The following TIMP2 variants were observed in gnomAD, a reference collection of about 807,000 sequenced individuals.
The protein encoded by TIMP2 is metalloproteinase inhibitor 2.
Under a neutral mutation model 24.3 loss-of-function variants are expected in TIMP2, and 5 were observed. The ratio of observed to expected loss-of-function variants is 0.21; its 90% CI spans 0.11 to 0.43. TIMP2 has a LOEUF of 0.43. TIMP2 is among the 20% of genes least tolerant of loss of function. The probability of loss-of-function intolerance (pLI) is 1.00; values close to 1 mark genes in which losing one functional copy is unlikely to be tolerated. For missense variants in TIMP2, 221 were observed against 297.5 expected, an observed-to-expected ratio of 0.74 and a Z score of 1.89; for synonymous variants, 130 against 123.2, an observed-to-expected ratio of 1.06 and a Z score of -0.37.
chr17:78,883,658 T>C (rs1411052185), intron 1 of TIMP2, among the ~76,000 whole-genome samples: 1 of 152,150 alleles, frequency 6.6e-6, no homozygotes, highest in African/African-American at 2.4e-5. Flanking sequence ...CTAGTGCACG[T>C]GAGCTGCTGG....
At position 78,874,038 on chromosome 17, in the gene TIMP2, G is replaced by A. The variant is rs552096199; in HGVS notation, c.131-119C>T. 233 of 819,172 alleles carry A rather than the reference G, an allele frequency of 2.8e-4. 1 individual carries two copies. In the South Asian group the frequency reaches 3.5e-3, roughly 12 times the overall value. The allele number at this position is 819,172 out of a possible 1,614,324, so 50.7% of individuals were successfully genotyped here. On this transcript the variant is annotated intron_variant, in intron 1 of 4. Transcript: ENST00000262768. ...CTGGGGGGTTACAGACAGCAGCAAG[G>A]TGCGAGACGGGCAAGGGGCATGGTG...
At chr17:78,860,360 A>G (rs189812457) in intron 3 of TIMP2, among the ~76,000 whole-genome samples, 1 of 152,314 alleles carries the variant, frequency 6.6e-6, no homozygotes, top group African/African-American at 2.4e-5. Flanking sequence ...ACAAAGTTTC[A>G]GCGCATCTGA....
chr17:78,919,834 G>GA (rs112184854), intron 1 of TIMP2, among the ~76,000 whole-genome samples: 10,831 of 151,256 alleles, frequency 0.072, 1,325 homozygotes, highest in African/African-American at 0.25. Flanking sequence ...ACTCCATCTC[G>GA]AAAAAAAAGA....
intron 1 of TIMP2, among the ~76,000 whole-genome samples, chr17:78,917,878 A>G (rs114510462): frequency 1.2e-3 from 184 of 152,278 alleles, no homozygotes; most frequent in African/African-American, 4.3e-3. Context: ...AGAGGAGAGA[A>G]AGGCAAGATC....
chr17:78,886,121 G>A (rs532873376), intron 1 of TIMP2, among the ~76,000 whole-genome samples: 13 of 152,270 alleles, frequency 8.5e-5, no homozygotes, highest in African/African-American at 2.6e-4. Context: ...GGAAAGGGCC[G>A]GGTGTCTGGT....
chr17:78,914,032 T>C (rs1410667464), intron 1 of TIMP2, among the ~76,000 whole-genome samples: 6 of 151,938 alleles, frequency 3.9e-5, no homozygotes, highest in African/African-American at 1.5e-4. Flanking sequence ...ATTTGGGACG[T>C]GAATGGAGAG....
chr17:78,902,283 T>G (rs1357332538), intron 1 of TIMP2, among the ~76,000 whole-genome samples: 1 of 152,216 alleles, frequency 6.6e-6, no homozygotes, highest in Admixed American at 6.5e-5. Flanking sequence ...AATTTTTGTA[T>G]TTTTAGTAGA....
chr17:78,868,481 C>G (rs1371403491), intron 3 of TIMP2, among the ~76,000 whole-genome samples: 4 of 152,078 alleles, frequency 2.6e-5, no homozygotes, highest in African/African-American at 9.7e-5. Context: ...GAACTCCTGA[C>G]CTCAAGCAAT....
Position 78,925,110 on chromosome 17 carries a change from GGC to G in TIMP2, c.-24_-23del. 1 of 903,844 alleles carries G rather than the reference GGC, an allele frequency of 1.1e-6. No individual in the cohort carries two copies. The highest frequency in any genetic ancestry group is 1.3e-6 in the Non-Finnish European group (1 of 757,644). The allele number at this position is 903,844 out of a possible 1,614,324, so 56.0% of individuals were successfully genotyped here. On this transcript the variant is annotated 5_prime_UTR_variant, in exon 1 of 5. Transcript: ENST00000262768. ...CCATGGCGGGCCGGGGGGCTGGGCG[GGC>G]GGGGGCCGCCGCTGGGGGGTCCGGG... is the stretch of plus-strand genomic sequence containing the variant.
intron 1 of TIMP2, among the ~76,000 whole-genome samples, chr17:78,875,647 T>C (rs1043883142): frequency 3.9e-5 from 6 of 152,262 alleles, no homozygotes; most frequent in Middle Eastern, 3.4e-3. Flanking sequence ...GTAAGTGTTA[T>C]GTTACGGTGG....
Position 78,914,358 on chromosome 17 carries a change from C to G in TIMP2, c.130+10601G>C, listed in dbSNP as rs146627044. Among the ~76,000 whole-genome samples the G allele has an allele frequency of 3.2e-3, 480 of 152,014 alleles. 24 individuals are homozygous for G. The East Asian group carries it at 0.083, about 26-fold the overall frequency. On this transcript the variant is annotated intron_variant, in intron 1 of 4. Coordinates refer to ENST00000262768, the MANE Select transcript of TIMP2 (RefSeq NM_003255.5). The stretch of plus-strand genomic sequence containing the variant: ...AGTACGGTGGCCCGATCTCGGCTCA[C>G]TGCAACCTCCACCTCCTGGGTTCAA...
rs935855810 is a variant in TIMP2 at position 78,924,416 on chromosome 17, G to A, written c.130+543C>T. 2.6e-5 allele frequency among the ~76,000 whole-genome samples: 4 copies of A among 152,244 alleles called. No individual in the cohort carries two copies. The highest frequency in any genetic ancestry group is 1.5e-5 in the Non-Finnish European group (1 of 68,034). ...CTTTTTCACCTGCCCCTCTGGGCCT[G>A]TGGAACCTGCCTCGGGTAGGGCGGG... On this transcript the variant is annotated intron_variant, in intron 1 of 4. Transcript: ENST00000262768. The surrounding 1 kb of genome is among the most constrained non-coding windows in gnomAD (Gnocchi z 5.3).
chr17:78,887,283 C>A (rs1277534395), intron 1 of TIMP2, among the ~76,000 whole-genome samples: 2 of 152,220 alleles, frequency 1.3e-5, no homozygotes, highest in South Asian at 2.1e-4. Flanking sequence ...TTTACTCACT[C>A]ATCATCTGCG....
chr17:78,891,109 C>G lies in TIMP2; in HGVS notation c.131-17190G>C, dbSNP rs1300095518. The G allele has an allele frequency of 6.4e-7, 1 of 1,550,822 alleles. No homozygotes were observed. Reference sequence around the variant, plus strand: ...TCTCTTGTCCAGATTCAGTGCTATACAATAATGAGTCCTCTTTGTTGATAA... The same window carrying G: ...TCTCTTGTCCAGATTCAGTGCTATAGAATAATGAGTCCTCTTTGTTGATAA... On this transcript the variant is annotated intron_variant, in intron 1 of 4. Transcript: ENST00000262768. The surrounding 1 kb of genome is among the most constrained non-coding windows in gnomAD (Gnocchi z 4.5).
At chr17:78,866,791 G>A (rs191858688) in intron 3 of TIMP2, among the ~76,000 whole-genome samples, 19 of 152,228 alleles carry the variant, frequency 1.2e-4, no homozygotes, top group Admixed American at 2.6e-4. Context: ...AGGGTCACAC[G>A]TATGATTCCG....
Position 78,891,442 on chromosome 17 carries a change from C to G in TIMP2, c.131-17523G>C. The G allele has an allele frequency of 6.4e-7, 1 of 1,550,976 alleles. No individual in the cohort carries two copies. The highest frequency in any genetic ancestry group is 8.7e-7 in the Non-Finnish European group (1 of 1,147,078). ...GGTACAAGCACAGGTGTTTTTTCAG[C>G]TTTCTGTTTATATTAAACAACTCTT... On this transcript the variant is annotated intron_variant, in intron 1 of 4. Coordinates refer to ENST00000262768, the MANE Select transcript of TIMP2 (RefSeq NM_003255.5). This position sits in a 1 kb window ranked among gnomAD's most constrained non-coding sequence, Gnocchi z 4.5.
At chr17:78,923,392 G>A (rs1164042323) in intron 1 of TIMP2, among the ~76,000 whole-genome samples, 3 of 90,026 alleles carry the variant, frequency 3.3e-5, no homozygotes, top group African/African-American at 1.0e-4. Context: ...TGTGTGGGGC[G>A]GGGTGGGGGG....
intron 1 of TIMP2, chr17:78,897,001 T>C (rs1333813762): frequency 5.1e-6 from 5 of 985,328 alleles, no homozygotes; most frequent in Non-Finnish European, 6.0e-6. Context: ...CGCCTTTCCC[T>C]GGGCGGCCGC....
chr17:78,910,935 G>GA (rs2070201573), intron 1 of TIMP2, among the ~76,000 whole-genome samples: 1 of 152,180 alleles, frequency 6.6e-6, no homozygotes, highest in Non-Finnish European at 1.5e-5. Flanking sequence ...GGGGGTGCAG[G>GA]TGTCTCTCTG....
Sources: allele counts gnomAD v4.1 joint callset (sites outside exome capture counted in the v4.1 genomes callset), GRCh38; gene constraint gnomAD v4.1.1; non-coding constraint Gnocchi (gnomAD v3.1); transcripts MANE v1.5; gene names NCBI Gene and HGNC (gene_info 2026-07-23, HGNC 2026-07-21).